The following VAX2 variants were observed in gnomAD, a reference collection of about 807,000 sequenced individuals.
VAX2 encodes the protein ventral anterior homeobox 2.
Under a neutral mutation model 12.5 loss-of-function variants are expected in VAX2, and 8 were observed. That is an observed-to-expected ratio of 0.64 (90% CI 0.37 to 1.15). The LOEUF (loss-of-function observed/expected upper bound fraction) is 1.15, where lower values mean the gene tolerates loss of function less well. Among genes scored for constraint, VAX2 ranks in the 50% most tolerant of loss-of-function variants. VAX2 has a pLI of 0.01. For synonymous variants in VAX2, 183 were observed against 187.6 expected, an observed-to-expected ratio of 0.98 and a Z score of 0.20; for missense variants, 476 against 412.9, an observed-to-expected ratio of 1.15 and a Z score of -1.32.
intron 2 of VAX2, among the ~76,000 whole-genome samples, chr2:70,925,168 G>A (rs1157061099): frequency 1.3e-5 from 2 of 152,176 alleles, no homozygotes; most frequent in Admixed American, 6.5e-5. Context: ...TAGAGACTAT[G>A]GTAATACATT....
At chr2:70,923,571 A>T (rs1679507249) in intron 2 of VAX2, among the ~76,000 whole-genome samples, 1 of 152,222 alleles carries the variant, frequency 6.6e-6, no homozygotes, top group Non-Finnish European at 1.5e-5. Context: ...GTGCTTCTGA[A>T]TGGACTGGCC....
At chr2:70,928,452 A>C (rs1553413847) in intron 2 of VAX2, among the ~76,000 whole-genome samples, 3 of 152,156 alleles carry the variant, frequency 2.0e-5, no homozygotes, top group Non-Finnish European at 4.4e-5. Context: ...ATATGTGGCC[A>C]AGAAACAAGC....
At chr2:70,901,928 C>G (rs1477963503) in intron 1 of VAX2, among the ~76,000 whole-genome samples, 1 of 152,234 alleles carries the variant, frequency 6.6e-6, no homozygotes, top group African/African-American at 2.4e-5. Flanking sequence ...TCCCTCCTCC[C>G]GGCTTCCTCC....
At chr2:70,927,817 G>A (rs1370079668) in intron 2 of VAX2, among the ~76,000 whole-genome samples, 1 of 152,002 alleles carries the variant, frequency 6.6e-6, no homozygotes, top group Non-Finnish European at 1.5e-5. Context: ...GCGGAGGGGG[G>A]CGGGGCAGCC....
chr2:70,906,722 T>C (rs1679071233), intron 1 of VAX2, among the ~76,000 whole-genome samples: 1 of 152,042 alleles, frequency 6.6e-6, no homozygotes, highest in South Asian at 2.1e-4. Flanking sequence ...CAAACATTAA[T>C]GCGTACTCAC....
intron 1 of VAX2, among the ~76,000 whole-genome samples, chr2:70,911,089 G>C (rs1289232690): frequency 6.6e-6 from 1 of 152,022 alleles, no homozygotes; most frequent in Non-Finnish European, 1.5e-5. Context: ...CTCCCTGATC[G>C]GTTTCCACTC....
chr2:70,918,584 T>C (rs948993657), intron 1 of VAX2, among the ~76,000 whole-genome samples: 1 of 152,204 alleles, frequency 6.6e-6, no homozygotes, highest in Non-Finnish European at 1.5e-5. Flanking sequence ...TTTCAACCTA[T>C]TAATTGAATT....
intron 1 of VAX2, among the ~76,000 whole-genome samples, chr2:70,916,566 A>T (rs1679308837): frequency 6.6e-6 from 1 of 152,298 alleles, no homozygotes; most frequent in South Asian, 2.1e-4. Flanking sequence ...GCAACCACTG[A>T]TCTGGTCTCC....
chr2:70,933,043 TC>T lies in VAX2; in HGVS notation c.719del (p.Pro240HisfsTer36), dbSNP rs782186760. ...CAACCCGCTGTCCTCGGCCTCAGCG[TC>T]CCCCCCACTGCCGCCCCCTCTGCCA... ...RLNPLSSASA[S>X]PPLPPPLPAV... On this transcript the variant is annotated frameshift_variant, in exon 3 of 3. Coordinates refer to ENST00000234392, the MANE Select transcript of VAX2 (RefSeq NM_012476.3). LOFTEE classifies it low-confidence loss of function (END_TRUNC). 25 of 1,594,756 alleles carry T rather than the reference TC, an allele frequency of 1.6e-5. No homozygotes were observed. The highest frequency in any genetic ancestry group is 6.8e-5 in the East Asian group (3 of 44,134).
intron 1 of VAX2, among the ~76,000 whole-genome samples, 188 bp from the exon 2 acceptor site, chr2:70,920,910 T>C (rs979968351): frequency 2.3e-4 from 35 of 152,186 alleles, no homozygotes; most frequent in African/African-American, 8.4e-4. Context: ...CCATTAGATA[T>C]AATACCCTGC....
chr2:70,900,649 C>T lies in VAX2; in HGVS notation c.28C>T (p.Arg10Trp), dbSNP rs1361421232. The T allele has an allele frequency of 7.8e-7, 1 of 1,278,182 alleles. No individual in the cohort carries two copies. The highest frequency in any genetic ancestry group is 9.9e-7 in the Non-Finnish European group (1 of 1,012,356). 79.2% of individuals were successfully genotyped at this position (1,278,182 alleles called of 1,614,324 possible). MGDGGAERD[R>W]GPARRAESGG... ...GGGCGATGGGGGCGCCGAGCGCGACCGGGGCCCCGCGCGCCGGGCGGAGTC... is the reference window on the plus strand; with the variant it reads ...GGGCGATGGGGGCGCCGAGCGCGACTGGGGCCCCGCGCGCCGGGCGGAGTC... Residue 10 changes from arginine to tryptophan, a missense_variant, in exon 1 of 3, where the codon CGG (arginine) becomes TGG (tryptophan). Coordinates refer to ENST00000234392, the MANE Select transcript of VAX2 (RefSeq NM_012476.3).
chr2:70,926,110 T>C (rs1679565818), intron 2 of VAX2, among the ~76,000 whole-genome samples: 1 of 151,934 alleles, frequency 6.6e-6, no homozygotes, highest in South Asian at 2.1e-4. Context: ...TGTCTGCAGA[T>C]TTAAATCTGA....
At chr2:70,918,857 C>A (rs1166736308) in intron 1 of VAX2, among the ~76,000 whole-genome samples, 5 of 81,670 alleles carry the variant, frequency 6.1e-5, no homozygotes, top group African/African-American at 3.3e-4. Context: ...AGCACTCCAG[C>A]CGTCTCAAAA....
intron 2 of VAX2, 118 bp from the exon 3 acceptor site, chr2:70,932,649 C>A (rs11692110): frequency 0.1 from 15,496 of 150,504 alleles, 1,116 homozygotes; most frequent in South Asian, 0.19. Flanking sequence ...CCCACCCCCA[C>A]CCCCATCCAC....
At position 70,932,795 on chromosome 2, in the gene VAX2, C is replaced by T. The variant is rs1450354389; in HGVS notation, c.464C>T (p.Thr155Ile). Residue 155 changes from threonine (T) to isoleucine (I), a missense_variant, in exon 3 of 3, where the codon ACC (threonine) becomes ATC (isoleucine). Thr to Ile is a moderately conservative substitution (Grantham distance 89). Coordinates refer to ENST00000234392, the MANE Select transcript of VAX2 (RefSeq NM_012476.3). ...AAGGTCTGGTTCCAGAACCGCCGCACCAAGCAGAAGAAAGACCAGAGCAGA... is the reference window on the plus strand; with the variant it reads ...AAGGTCTGGTTCCAGAACCGCCGCATCAAGCAGAAGAAAGACCAGAGCAGA... ...QVKVWFQNRR[T>I]KQKKDQSRDL... is the part of the protein sequence containing the mutation. The T allele has an allele frequency of 6.3e-7, 1 of 1,594,460 alleles. No individual in the cohort carries two copies. The highest frequency in any genetic ancestry group is 8.6e-7 in the Non-Finnish European group (1 of 1,169,110).
rs1228277007 is a variant in VAX2 at position 70,904,994 on chromosome 2, T to G, written c.247+4126T>G. Among the ~76,000 whole-genome samples the G allele has an allele frequency of 2.0e-5, 3 of 152,196 alleles. No homozygotes were observed. The highest frequency in any genetic ancestry group is 4.4e-5 in the Non-Finnish European group (3 of 68,040). ...ACAAGGGGGCGCAGCTTCGGGGCTC[T>G]GGCTGGGAGGTTACTGCAGGGACAG... On this transcript the variant is annotated intron_variant, in intron 1 of 2. Transcript: ENST00000234392. The surrounding 1 kb of genome is among the most constrained non-coding windows in gnomAD (Gnocchi z 4.2).
At chr2:70,910,690 T>G (rs971934841) in intron 1 of VAX2, among the ~76,000 whole-genome samples, 2 of 151,954 alleles carry the variant, frequency 1.3e-5, no homozygotes, top group Admixed American at 1.3e-4. Context: ...GATCACTAAT[T>G]GTTTTCTCAT....
intron 1 of VAX2, among the ~76,000 whole-genome samples, chr2:70,920,742 A>G (rs1679439499): frequency 6.6e-6 from 1 of 151,784 alleles, no homozygotes; most frequent in African/African-American, 2.4e-5. Context: ...CTAACCCATC[A>G]TCCCCTATGT....
At chr2:70,911,250 G>A (rs141002441) in intron 1 of VAX2, among the ~76,000 whole-genome samples, 3,145 of 152,134 alleles carry the variant, frequency 0.021, 58 homozygotes, top group Non-Finnish European at 0.032. Context: ...TCACTTAGTA[G>A]TATACAATAA....
Sources: gnomAD v4.1 joint callset for allele counts (sites outside exome capture counted in the v4.1 genomes callset) on GRCh38, gnomAD v4.1.1 for gene constraint, Gnocchi (gnomAD v3.1) non-coding constraint, MANE v1.5 for transcripts, NCBI Gene and HGNC (gene_info 2026-07-23, HGNC 2026-07-21) for gene names.